RNF103: variants seen among roughly 807,000 people sequenced by gnomAD.
RNF103 encodes ring finger protein 103.
RNF103 carries 23 observed loss-of-function variants against 66.2 expected under a neutral mutation model. The observed-to-expected ratio is 0.35, with a 90% CI of 0.25 to 0.49. RNF103 has a LOEUF of 0.49. Among genes scored for constraint, RNF103 ranks in the 20% least tolerant of loss-of-function variants. The probability of loss-of-function intolerance (pLI) is 0.98; values close to 1 mark genes in which losing one functional copy is unlikely to be tolerated. For synonymous variants in RNF103, 297 were observed against 289.9 expected (o/e 1.02, Z -0.25); for missense variants, 730 against 814.7 (o/e 0.90, Z 1.27).
At position 86,604,319 on chromosome 2, in the gene RNF103, T is replaced by A; in HGVS notation, c.1582A>T (p.Met528Leu). 1 of 1,614,224 alleles carries A rather than the reference T, an allele frequency of 6.2e-7. No homozygotes were observed. The highest frequency in any genetic ancestry group is 8.5e-7 in the Non-Finnish European group (1 of 1,180,028). Residue 528 changes from methionine (M) to leucine (L), a missense_variant, in exon 4 of 4, where the codon ATG becomes TTG. By Grantham distance (15) the Met-to-Leu change is conservative. Transcript: ENST00000237455. Reference protein sequence around the residue: ...KCLGVQSEEEMSEGSQDTEND... With the variant: ...KCLGVQSEEELSEGSQDTEND... ...TCAGTATCTTGAGACCCCTCCGACA[T>A]TTCCTCTTCAGACTGGACTCCAAGA...
chr2:86,607,806 T>C (rs1678630730), intron 3 of RNF103, among the ~76,000 whole-genome samples: 1 of 152,230 alleles, frequency 6.6e-6, no homozygotes. Flanking sequence ...ATCTTCCTAC[T>C]ATGGCCTCTG....
chr2:86,605,304 T>C lies in RNF103; in HGVS notation c.597A>G (p.Val199=). The stretch of plus-strand genomic sequence containing the variant: ...CAGTTATCCATTTAAAAATGTGCTC[T>C]ACTTCAATCTTGCGTCCACTGTATT... The part of the protein sequence containing the change: ...LKEYSGRKIE[V]EHIFKWITAH... The change falls in exon 4 of 4, where the codon GTA becomes GTG. Residue 199 remains valine (V), a synonymous_variant. Transcript: ENST00000237455. 4 of 1,614,222 alleles carry C rather than the reference T, an allele frequency of 2.5e-6. No homozygotes were observed. The highest frequency in any genetic ancestry group is 3.4e-6 in the Non-Finnish European group (4 of 1,180,032).
rs774155968 is a variant in RNF103, at chr2:86,604,726, T to G, written c.1175A>C (p.Lys392Thr). 5 of 1,614,070 alleles carry G rather than the reference T, an allele frequency of 3.1e-6. No homozygotes were observed. The South Asian group carries it at 4.4e-5, about 14-fold the overall frequency. Residue 392 changes from lysine to threonine, a missense_variant, in exon 4 of 4, where the codon AAA (lysine) becomes ACA (threonine). Physicochemically the swap from Lys to Thr is moderately conservative, Grantham distance 78. Coordinates refer to ENST00000237455, the MANE Select transcript of RNF103 (RefSeq NM_005667.4). ...GGTTGTATTGGAATATCTCAACAAT[T>G]TTAAGCTATATTCATAAAAGCTATC... ...YLDSFYEYSL[K>T]LLRYSNTTTL... is the part of the protein sequence containing the mutation.
intron 1 of RNF103, among the ~76,000 whole-genome samples, chr2:86,621,213 C>T (rs1243349252): frequency 6.6e-6 from 1 of 152,108 alleles, no homozygotes; most frequent in East Asian, 1.9e-4. Context: ...TTGAGTCATA[C>T]TGGGCTGTGC....
In RNF103 at chr2:86,604,129, T is replaced by G; in HGVS notation, c.1772A>C (p.Lys591Thr). 6.2e-7 allele frequency: 1 copy of G among 1,613,428 alleles called. No individual in the cohort carries two copies. The highest frequency in any genetic ancestry group is 8.5e-7 in the Non-Finnish European group (1 of 1,180,038). Residue 591 changes from lysine to threonine, a missense_variant, in exon 4 of 4, where the codon AAG becomes ACG. Lys to Thr is a moderately conservative substitution (Grantham distance 78). Coordinates refer to ENST00000237455, the MANE Select transcript of RNF103 (RefSeq NM_005667.4). ...GTTATATGATCCATATGACCTCCCC[T>G]TCCTTTCACATGGGCTGGTCTGACA... The part of the protein sequence containing the change: ...KYCQTSPCER[K>T]GRSYGSYNTN...
intron 2 of RNF103, chr2:86,613,526 TATACA>T (rs1259872602): frequency 1.3e-5 from 2 of 152,174 alleles, no homozygotes; most frequent in African/African-American, 4.8e-5. Flanking sequence ...TTTCTGATAC[TATACA>T]ATTCAAAATT....
At chr2:86,613,950 G>C (rs558944571) in intron 2 of RNF103, 73 of 151,938 alleles carry the variant, frequency 4.8e-4, no homozygotes, top group African/African-American at 1.7e-3. Context: ...TTTTTTTAAG[G>C]GACAGGGTCT....
Position 86,604,880 on chromosome 2 carries a change from C to T in RNF103, c.1021G>A (p.Asp341Asn). 1.2e-6 allele frequency: 2 copies of T among 1,614,012 alleles called. No homozygotes were observed. The highest frequency in any genetic ancestry group is 1.7e-6 in the Non-Finnish European group (2 of 1,179,998). The part of the protein sequence containing the change: ...LVLVNLMAWM[D>N]LFITQGATIK... Reference sequence around the variant, plus strand: ...GTAGCTCCTTGTGTAATAAATAAGTCCATCCAAGCCATAAGATTAACTAGA... The same window carrying T: ...GTAGCTCCTTGTGTAATAAATAAGTTCATCCAAGCCATAAGATTAACTAGA... The change falls in exon 4 of 4, where the codon GAC becomes AAC. Residue 341 changes from aspartate to asparagine, a missense_variant. Physicochemically the swap from Asp to Asn is conservative, Grantham distance 23. This residue lies in a region of RNF103 where 48 missense variants were observed against 93.0 expected (regional missense o/e 0.52). Transcript: ENST00000237455.
chr2:86,610,228 C>G (rs1678740817), intron 3 of RNF103, among the ~76,000 whole-genome samples: 1 of 152,010 alleles, frequency 6.6e-6, no homozygotes, highest in African/African-American at 2.4e-5. Flanking sequence ...AACAAAAAAG[C>G]AAAAAGTTAT....
chr2:86,622,369 C>T (rs918076098), intron 1 of RNF103, among the ~76,000 whole-genome samples: 16 of 152,138 alleles, frequency 1.1e-4, no homozygotes, highest in Non-Finnish European at 1.6e-4. Context: ...GTTGATATTC[C>T]AGAATTTTGA....
At chr2:86,620,241 CG>C in intron 2 of RNF103, 88 bp downstream of exon 2, 1 of 1,385,502 alleles carries the variant, frequency 7.2e-7, no homozygotes, top group East Asian at 2.4e-5. Flanking sequence ...CACAAGGACA[CG>C]GAAGTGTCAC....
chr2:86,620,589 G>C (rs1216351347), intron 1 of RNF103, 120 bp from the exon 2 acceptor site: 6 of 1,271,996 alleles, frequency 4.7e-6, no homozygotes, highest in Non-Finnish European at 6.1e-6. Context: ...GTATTTTATA[G>C]ACAAGAACTA....
Position 86,603,922 on chromosome 2 carries a change from G to A in RNF103, c.1979C>T (p.Pro660Leu). Residue 660 changes from proline (P) to leucine (L), a missense_variant, in exon 4 of 4, where the codon CCT (proline) becomes CTT (leucine). Physicochemically the swap from Pro to Leu is moderately conservative, Grantham distance 98. Around this residue, in one of 3 missense-constraint regions of RNF103, gnomAD observed 355 missense variants for 351.9 expected, o/e 1.01. Transcript: ENST00000237455. ...TTTATAAGAAGGCCACCGGCAAACAGGGCAACAATGTCGGCCCCCAGCCAA... is the reference window on the plus strand; with the variant it reads ...TTTATAAGAAGGCCACCGGCAAACAAGGCAACAATGTCGGCCCCCAGCCAA... ...MWLAGGRHCC[P>L]VCRWPSYKKK... 1 of 1,614,122 alleles carries A rather than the reference G, an allele frequency of 6.2e-7. No homozygotes were observed. Among genetic ancestry groups the A allele is most frequent in the Non-Finnish European group, 8.5e-7 (1 of 1,180,038 alleles).
At chr2:86,616,059 T>C (rs1485211976) in intron 2 of RNF103, among the ~76,000 whole-genome samples, 1 of 152,260 alleles carries the variant, frequency 6.6e-6, no homozygotes, top group Admixed American at 6.5e-5. Flanking sequence ...AGATGTTTTC[T>C]GGACAAACAG....
intron 3 of RNF103, among the ~76,000 whole-genome samples, chr2:86,610,357 A>G (rs1034339054): frequency 6.6e-6 from 1 of 152,250 alleles, no homozygotes; most frequent in Non-Finnish European, 1.5e-5. Flanking sequence ...CAGCTAATAC[A>G]GAATCAGAGC....
intron 2 of RNF103, chr2:86,617,581 C>T (rs1243888796): frequency 1.2e-6 from 1 of 861,570 alleles, no homozygotes. Flanking sequence ...TTTCAGGCAT[C>T]CACTGGGGGT....
At chr2:86,607,329 G>C (rs1558683297) in intron 3 of RNF103, among the ~76,000 whole-genome samples, 1 of 152,180 alleles carries the variant, frequency 6.6e-6, no homozygotes, top group Non-Finnish European at 1.5e-5. Flanking sequence ...GAAGAGTCTT[G>C]ACGTAGGTAG....
intron 3 of RNF103, among the ~76,000 whole-genome samples, chr2:86,606,086 G>A (rs1678533702): frequency 1.3e-5 from 2 of 152,230 alleles, no homozygotes; most frequent in African/African-American, 4.8e-5. Flanking sequence ...ATATATTTTT[G>A]TATTCTCTTA....
intron 3 of RNF103, among the ~76,000 whole-genome samples, chr2:86,610,463 T>C (rs532309722): frequency 9.8e-5 from 15 of 152,326 alleles, no homozygotes; most frequent in African/African-American, 3.6e-4. Context: ...TATAAGATTA[T>C]GGTTTGTCTG....
Sources: gnomAD v4.1 joint callset for allele counts (sites outside exome capture counted in the v4.1 genomes callset) on GRCh38, gnomAD v4.1.1 for gene constraint, gnomAD v4.1.1 regional missense constraint, MANE v1.5 for transcripts, NCBI Gene and HGNC (gene_info 2026-07-23, HGNC 2026-07-21) for gene names.